The following DOCK3 variants were observed in gnomAD, a reference collection of about 807,000 sequenced individuals.
DOCK3 encodes the protein dedicator of cytokinesis 3, also known as dedicator of cytokinesis protein 3.
DOCK3 carries 60 observed loss-of-function variants against 265.6 expected under a neutral mutation model. That is an observed-to-expected ratio of 0.23 (90% CI 0.18 to 0.28). The LOEUF is 0.28. Among genes scored for constraint, DOCK3 ranks in the 10% least tolerant of loss-of-function variants. The pLI, the probability that DOCK3 is intolerant of heterozygous loss-of-function variation, is 1.00. For synonymous variants in DOCK3, 881 were observed against 938.0 expected (o/e 0.94, Z 1.11); for missense variants, 1,981 against 2,594.3 (o/e 0.76, Z 5.14).
intron 51 of DOCK3, among the ~76,000 whole-genome samples, chr3:51,377,452 G>A (rs1238325759): frequency 2.0e-5 from 3 of 152,096 alleles, no homozygotes; most frequent in South Asian, 2.1e-4. Flanking sequence ...TCTTTTTGCC[G>A]TGCAGTGACT....
intron 9 of DOCK3, among the ~76,000 whole-genome samples, chr3:51,126,103 ACAGT>A (rs2084252576): frequency 6.6e-6 from 1 of 152,318 alleles, no homozygotes; most frequent in Non-Finnish European, 1.5e-5. Context: ...TTATCTAAGT[ACAGT>A]CAGAGAGACT....
At chr3:51,323,180 A>T (rs925552609) in intron 32 of DOCK3, among the ~76,000 whole-genome samples, 1 of 152,186 alleles carries the variant, frequency 6.6e-6, no homozygotes, top group Non-Finnish European at 1.5e-5. Flanking sequence ...TATGCACCCA[A>T]TACAGGAGCA....
intron 31 of DOCK3, among the ~76,000 whole-genome samples, chr3:51,313,775 G>C (rs1414479016): frequency 6.6e-6 from 1 of 152,204 alleles, no homozygotes; most frequent in African/African-American, 2.4e-5. Context: ...TTCTATTCAT[G>C]AGTGGGGATG....
chr3:51,314,639 C>T (rs1311211010), intron 31 of DOCK3, among the ~76,000 whole-genome samples: 1 of 152,170 alleles, frequency 6.6e-6, no homozygotes, highest in Non-Finnish European at 1.5e-5. Context: ...TGTGAATAGA[C>T]CATCTGACAC....
intron 6 of DOCK3, 111 bp from the exon 7 acceptor site, chr3:51,075,245 G>A: frequency 1.3e-6 from 1 of 787,498 alleles, no homozygotes; most frequent in East Asian, 2.7e-5. Context: ...TGCTAGGACA[G>A]TGTCTGATCC....
chr3:51,072,543 G>A (rs1404331098), intron 6 of DOCK3, among the ~76,000 whole-genome samples: 1 of 151,792 alleles, frequency 6.6e-6, no homozygotes, highest in Admixed American at 6.6e-5. Flanking sequence ...CAAGTAGCAG[G>A]GATTACGGAC....
At chr3:50,930,534 C>T (rs79581101) in intron 4 of DOCK3, among the ~76,000 whole-genome samples, 4,625 of 152,292 alleles carry the variant, frequency 0.03, 578 homozygotes, top group East Asian at 0.24. Flanking sequence ...TCCCTCACAG[C>T]CTGGGCCCCA....
chr3:51,291,478 C>G (rs565570573), intron 27 of DOCK3, among the ~76,000 whole-genome samples: 1 of 152,004 alleles, frequency 6.6e-6, no homozygotes, highest in Non-Finnish European at 1.5e-5. Context: ...TAATTATATG[C>G]CGGCAGATTG....
chr3:51,103,707 A>AATAT (rs1311748790), intron 9 of DOCK3, among the ~76,000 whole-genome samples: 1 of 152,210 alleles, frequency 6.6e-6, no homozygotes, highest in East Asian at 1.9e-4. Flanking sequence ...TCAAGGACTT[A>AATAT]ATATAAATCT....
At chr3:50,827,760 G>T (rs1157097924) in intron 2 of DOCK3, among the ~76,000 whole-genome samples, 1 of 152,080 alleles carries the variant, frequency 6.6e-6, no homozygotes, top group African/African-American at 2.4e-5. Context: ...CTTTGATATA[G>T]TTAGGTGTAG....
intron 2 of DOCK3, among the ~76,000 whole-genome samples, chr3:50,831,791 T>C (rs775934347): frequency 6.6e-6 from 1 of 152,190 alleles, no homozygotes; most frequent in Non-Finnish European, 1.5e-5. Flanking sequence ...TCTAGATCTT[T>C]GAGGAATTAC....
chr3:51,103,812 A>C (rs2083173722), intron 9 of DOCK3, among the ~76,000 whole-genome samples: 1 of 152,174 alleles, frequency 6.6e-6, no homozygotes, highest in African/African-American at 2.4e-5. Flanking sequence ...GAGAAAAAAA[A>C]CTGGGAGGAT....
chr3:51,200,707 C>G (rs2088686901), intron 12 of DOCK3, among the ~76,000 whole-genome samples: 1 of 151,622 alleles, frequency 6.6e-6, no homozygotes, highest in African/African-American at 2.4e-5. Flanking sequence ...AGAGCAACTC[C>G]AAGACACATA....
intron 2 of DOCK3, chr3:50,787,998 G>A: frequency 1.3e-6 from 1 of 799,602 alleles, no homozygotes; most frequent in South Asian, 1.5e-5. Flanking sequence ...GAATTCTCCT[G>A]GTCTTCCTTA....
intron 4 of DOCK3, among the ~76,000 whole-genome samples, chr3:50,929,422 A>G (rs138691948): frequency 6.6e-6 from 1 of 152,326 alleles, no homozygotes; most frequent in Non-Finnish European, 1.5e-5. Flanking sequence ...GCTAAAAACC[A>G]TAGTCCCAAA....
At chr3:50,906,019 A>G (rs140888694) in intron 4 of DOCK3, among the ~76,000 whole-genome samples, 5,279 of 152,112 alleles carry the variant, frequency 0.035, 728 homozygotes, top group East Asian at 0.33. Flanking sequence ...TATTGAGATA[A>G]TCATGTGGTT....
chr3:51,379,310 G>T, intron 51 of DOCK3: 1 of 887,514 alleles, frequency 1.1e-6, no homozygotes, highest in Non-Finnish European at 1.3e-6. Flanking sequence ...CTTGGCCAGC[G>T]TTTTTAGTTC....
intron 2 of DOCK3, among the ~76,000 whole-genome samples, chr3:50,807,105 G>A (rs2043469757): frequency 1.3e-5 from 2 of 152,124 alleles, no homozygotes; most frequent in Non-Finnish European, 2.9e-5. Flanking sequence ...CACCACAGAT[G>A]CATCTCCACT....
At chr3:51,282,653 C>CA (rs1198884358) in intron 27 of DOCK3, among the ~76,000 whole-genome samples, 878 of 81,224 alleles carry the variant, frequency 0.011, 16 homozygotes, top group African/African-American at 0.023. Flanking sequence ...AACTCTGTCT[C>CA]AAAAAAAAAA....
Sources: allele counts gnomAD v4.1 joint callset (sites outside exome capture counted in the v4.1 genomes callset), GRCh38; gene constraint gnomAD v4.1.1; transcripts MANE v1.5; gene names NCBI Gene and HGNC (gene_info 2026-07-23, HGNC 2026-07-21).